Variants in CLTC observed in about 807,000 individuals in gnomAD.
CLTC encodes the protein clathrin heavy chain.
Under a neutral mutation model 195.8 loss-of-function variants are expected in CLTC, and 16 were observed. That is an observed-to-expected ratio of 0.08 (90% CI 0.06 to 0.12). CLTC has a LOEUF of 0.12. Among genes scored for constraint, CLTC ranks in the 10% least tolerant of loss-of-function variants. CLTC has a pLI of 1.00. For synonymous variants in CLTC, 667 were observed against 689.4 expected, an observed-to-expected ratio of 0.97 and a Z score of 0.51; for missense variants, 796 against 2,027.0, an observed-to-expected ratio of 0.39 and a Z score of 11.66.
rs80041585 is a variant in CLTC at position 59,667,289 on chromosome 17, A to G, written c.2128+312A>G. Among the ~76,000 whole-genome samples the G allele has an allele frequency of 3.9e-5, 6 of 152,308 alleles. No individual in the cohort carries two copies. The East Asian group carries it at 1.2e-3, about 29-fold the overall frequency. On this transcript the variant is annotated intron_variant, in intron 13 of 31. Coordinates refer to ENST00000269122, the MANE Select transcript of CLTC (RefSeq NM_004859.4). ...TTGAGTGTCCCTAATCTGAAAATCCAAAATGCACCAAAGTCCAAAACTTCT... is the reference window on the plus strand; with the variant it reads ...TTGAGTGTCCCTAATCTGAAAATCCGAAATGCACCAAAGTCCAAAACTTCT...
At chr17:59,684,172 A>C in intron 28 of CLTC, 187 bp downstream of exon 28, 1 of 555,992 alleles carries the variant, frequency 1.8e-6, no homozygotes, top group South Asian at 2.4e-5. Context: ...AATTTTGCTC[A>C]GATCTTGTAT....
chr17:59,642,163 T>C (rs141180006), intron 1 of CLTC, among the ~76,000 whole-genome samples: 1,627 of 152,312 alleles, frequency 0.011, 13 homozygotes, highest in Non-Finnish European at 0.016. Flanking sequence ...TGTTTTCTGA[T>C]AGTGTTTTCT....
intron 5 of CLTC, among the ~76,000 whole-genome samples, 183 bp downstream of exon 5, chr17:59,651,499 T>G (rs978278991): frequency 6.6e-6 from 1 of 152,182 alleles, no homozygotes. Context: ...TTAGGCCTAT[T>G]ATGAGGTTTG....
intron 8 of CLTC, among the ~76,000 whole-genome samples, chr17:59,662,302 T>A (rs907986097): frequency 6.6e-6 from 1 of 152,204 alleles, no homozygotes; most frequent in African/African-American, 2.4e-5. Flanking sequence ...TCTCCATGCC[T>A]TTTATATTCA....
In CLTC at chr17:59,648,930, A is replaced by C. The variant is rs1016842388; in HGVS notation, c.681+529A>C. Among the ~76,000 whole-genome samples, 8 of 152,178 alleles carry C rather than the reference A, an allele frequency of 5.3e-5. No individual in the cohort carries two copies. Among genetic ancestry groups the C allele is most frequent in the Admixed American group, 3.3e-4 (5 of 15,282 alleles). On this transcript the variant is annotated intron_variant, in intron 4 of 31. Coordinates refer to ENST00000269122, the MANE Select transcript of CLTC (RefSeq NM_004859.4). The surrounding 1 kb of genome is among the most constrained non-coding windows in gnomAD (Gnocchi z 4.5). ...GGCTGGTCTCAAACCTCTGGGTCCA[A>C]GTGATCCTCCCGCCTTGGTCTCCCA...
intron 9 of CLTC, 73 bp downstream of exon 9, chr17:59,664,067 C>T: frequency 8.0e-7 from 1 of 1,252,430 alleles, no homozygotes; most frequent in Non-Finnish European, 1.1e-6. Context: ...TGTATTAACT[C>T]TTGATTACTT....
At chr17:59,660,643 G>A (rs2032586438) in intron 7 of CLTC, 55 bp downstream of exon 7, 12 of 1,536,556 alleles carry the variant, frequency 7.8e-6, no homozygotes, top group Non-Finnish European at 1.1e-5. Context: ...TTAATATTCT[G>A]TTTCTTATAT....
rs1488272469 is a variant in CLTC, at chr17:59,664,071, ATTACT to A, written c.1521+81_1521+85del. 222 of 1,205,412 alleles carry A rather than the reference ATTACT, an allele frequency of 1.8e-4. 1 individual carries two copies. The East Asian group carries it at 4.8e-3, about 26-fold the overall frequency. The allele number at this position is 1,205,412 out of a possible 1,614,324, so 74.7% of individuals were successfully genotyped here. On this transcript the variant is annotated intron_variant, in intron 9 of 31. Coordinates refer to ENST00000269122, the MANE Select transcript of CLTC (RefSeq NM_004859.4). Reference sequence around the variant, plus strand: ...AGAAATTAGCCTGTATTAACTCTTGATTACTTTAATAGTGAATTTCCTTTCATTTT... The same window carrying A: ...AGAAATTAGCCTGTATTAACTCTTGATTAATAGTGAATTTCCTTTCATTTT...
In CLTC at chr17:59,682,527, A is replaced by T; in HGVS notation, c.3600+99A>T. ...ACTGAAGAATTCCAAGGAAAAATCT[A>T]TAGGAAAACAAATTCTTTCTCATTG... On this transcript the variant is annotated intron_variant, in intron 22 of 31. Transcript: ENST00000269122. This position sits in a 1 kb window ranked among gnomAD's most constrained non-coding sequence, Gnocchi z 6.8. The T allele has an allele frequency of 6.3e-7, 1 of 1,578,518 alleles. No individual in the cohort carries two copies. The highest frequency in any genetic ancestry group is 1.1e-5 in the South Asian group (1 of 87,216).
intron 2 of CLTC, among the ~76,000 whole-genome samples, 170 bp downstream of exon 2, chr17:59,644,653 C>T (rs540177951): frequency 2.1e-4 from 32 of 152,060 alleles, no homozygotes; most frequent in African/African-American, 7.7e-4. Flanking sequence ...CAGGTTCAAG[C>T]GATTCTCTTG....
Position 59,685,038 on chromosome 17 carries a change from T to A in CLTC, c.4435-18T>A. The stretch of plus-strand genomic sequence containing the variant: ...ACAAAATACTGATCTGGCATTTGGA[T>A]GGCTTTTTTTTTTTAAGGCTCTGCG... On this transcript the variant is annotated intron_variant, in intron 28 of 31. Transcript: ENST00000269122. This position sits in a 1 kb window ranked among gnomAD's most constrained non-coding sequence, Gnocchi z 5.0. 1 of 1,493,800 alleles carries A rather than the reference T, an allele frequency of 6.7e-7. No homozygotes were observed. The highest frequency in any genetic ancestry group is 9.0e-7 in the Non-Finnish European group (1 of 1,111,224). The allele number at this position is 1,493,800 out of a possible 1,614,324, so 92.5% of individuals were successfully genotyped here. A position where few individuals can be genotyped will look rare whatever the true frequency, so the allele number is the denominator to read the frequency against.
In CLTC at chr17:59,651,262, A is replaced by G; in HGVS notation, c.741A>G (p.Ala247=). Residue 247 remains alanine, a synonymous_variant, in exon 5 of 32, where the codon GCA becomes GCG. Coordinates refer to ENST00000269122, the MANE Select transcript of CLTC (RefSeq NM_004859.4). ...GGAACCAGCCCTTTCCAAAGAAGGC[A>G]GTGGATGTCTTCTTTCCTCCAGAAG... ...PTGNQPFPKK[A]VDVFFPPEAQ... 1.9e-6 allele frequency: 3 copies of G among 1,614,124 alleles called. No homozygotes were observed. Among genetic ancestry groups the G allele is most frequent in the Non-Finnish European group, 2.5e-6 (3 of 1,179,980 alleles).
intron 5 of CLTC, 65 bp downstream of exon 5, chr17:59,651,381 C>A: frequency 1.9e-6 from 2 of 1,043,206 alleles, no homozygotes; most frequent in Admixed American, 1.8e-5. Flanking sequence ...AACCCAAAGA[C>A]TATTCATGGT....
chr17:59,632,777 G>A (rs976454807), intron 1 of CLTC, among the ~76,000 whole-genome samples: 3 of 152,136 alleles, frequency 2.0e-5, no homozygotes, highest in African/African-American at 7.2e-5. Flanking sequence ...TTTTTGAGAT[G>A]GAAAGTGTCT....
At chr17:59,672,761 T>C (rs1158325811) in intron 14 of CLTC, among the ~76,000 whole-genome samples, 1 of 152,196 alleles carries the variant, frequency 6.6e-6, no homozygotes. Flanking sequence ...AGCCATTTAA[T>C]TCTAACCTTG....
At chr17:59,638,313 G>T (rs2031928335) in intron 1 of CLTC, among the ~76,000 whole-genome samples, 1 of 151,866 alleles carries the variant, frequency 6.6e-6, no homozygotes, top group Non-Finnish European at 1.5e-5. Flanking sequence ...TCCAGCTTGG[G>T]TGACAGAGCA....
chr17:59,645,772 G>A (rs980209089), intron 2 of CLTC, among the ~76,000 whole-genome samples: 4 of 152,056 alleles, frequency 2.6e-5, no homozygotes, highest in Admixed American at 6.6e-5. Context: ...ATCTCATCTC[G>A]AGGAAAAATG....
chr17:59,691,379 C>T (rs1156361030), intron 31 of CLTC, among the ~76,000 whole-genome samples: 3 of 152,032 alleles, frequency 2.0e-5, no homozygotes, highest in African/African-American at 7.2e-5. Flanking sequence ...AATCCCAGCA[C>T]TTTGGAAGGC....
chr17:59,640,908 CAA>C (rs1235241908), intron 1 of CLTC, among the ~76,000 whole-genome samples: 2 of 151,776 alleles, frequency 1.3e-5, no homozygotes, highest in Admixed American at 6.6e-5. Flanking sequence ...AACATGAGGT[CAA>C]GAGATCGAGA....
Sources: gnomAD v4.1 joint callset for allele counts (sites outside exome capture counted in the v4.1 genomes callset) on GRCh38, gnomAD v4.1.1 for gene constraint, Gnocchi (gnomAD v3.1) non-coding constraint, MANE v1.5 for transcripts, NCBI Gene and HGNC (gene_info 2026-07-23, HGNC 2026-07-21) for gene names.